The following RAP1GAP2 variants were observed in gnomAD, a reference collection of about 807,000 sequenced individuals.
RAP1GAP2 encodes the protein rap1 GTPase-activating protein 2.
RAP1GAP2 carries 27 observed loss-of-function variants against 95.0 expected under a neutral mutation model. That is an observed-to-expected ratio of 0.28 (90% confidence interval 0.21 to 0.39). The LOEUF is 0.39. Ranked by LOEUF, RAP1GAP2 falls within the 10% of genes least tolerant of loss-of-function variation. The probability of loss-of-function intolerance (pLI) is 1.00; values close to 1 mark genes in which losing one functional copy is unlikely to be tolerated. For synonymous variants in RAP1GAP2, 373 were observed against 380.9 expected (o/e 0.98, Z 0.24); for missense variants, 771 against 970.0 (o/e 0.79, Z 2.72).
At chr17:2,956,443 G>T (rs754061596) in intron 3 of RAP1GAP2, among the ~76,000 whole-genome samples, 1 of 152,242 alleles carries the variant, frequency 6.6e-6, no homozygotes, top group African/African-American at 2.4e-5. Flanking sequence ...TCTGGGAGCA[G>T]TGGGAGCTCC....
Position 3,005,343 on chromosome 17 carries a change from C to T in RAP1GAP2, c.1201-26C>T, listed in dbSNP as rs372995218. 384 of 1,608,040 alleles carry T rather than the reference C, an allele frequency of 2.4e-4. 1 individual carries two copies. Among genetic ancestry groups the T allele is most frequent in the Admixed American group, 1.0e-4 (6 of 59,998 alleles). On this transcript the variant is annotated intron_variant, in intron 14 of 24. Coordinates refer to ENST00000254695, the MANE Select transcript of RAP1GAP2 (RefSeq NM_015085.5). This position sits in a 1 kb window ranked among gnomAD's most constrained non-coding sequence, Gnocchi z 5.2. Reference sequence around the variant, plus strand: ...CAGCGCTCGTCTCTTCCCTCCAGGTCCGTACCATGACTCTGTTTCACTCAG... The same window carrying T: ...CAGCGCTCGTCTCTTCCCTCCAGGTTCGTACCATGACTCTGTTTCACTCAG...
At chr17:2,875,665 C>CT (rs34754606) in intron 2 of RAP1GAP2, among the ~76,000 whole-genome samples, 1 of 152,064 alleles carries the variant, frequency 6.6e-6, no homozygotes, top group Non-Finnish European at 1.5e-5. Flanking sequence ...TCAACATTGC[C>CT]TTTTTTTCTC....
In RAP1GAP2 at chr17:2,797,834, G is replaced by T. The variant is rs1298765486; in HGVS notation, c.44+1263G>T. The T allele has an allele frequency of 6.2e-6, 6 of 964,526 alleles. No individual in the cohort carries two copies. Among genetic ancestry groups the T allele is most frequent in the Non-Finnish European group, 7.4e-6 (6 of 811,112 alleles). 59.7% of individuals were successfully genotyped at this position (964,526 alleles called of 1,614,324 possible). On this transcript the variant is annotated intron_variant, in intron 1 of 24. Transcript: ENST00000254695. This position sits in a 1 kb window ranked among gnomAD's most constrained non-coding sequence, Gnocchi z 5.6. ...AGAGGACTTGGCTTCTGGTTGGGAGGGGTGTGTGTGTCTTGGCTGTGGGCC... is the reference window on the plus strand; with the variant it reads ...AGAGGACTTGGCTTCTGGTTGGGAGTGGTGTGTGTGTCTTGGCTGTGGGCC...
chr17:2,860,751 G>A (rs12452781), intron 2 of RAP1GAP2, among the ~76,000 whole-genome samples: 23,071 of 151,160 alleles, frequency 0.15, 1,899 homozygotes, highest in East Asian at 0.24. Context: ...TTACAGGCAC[G>A]CACTACCGTG....
At chr17:2,841,465 G>C (rs964445698) in intron 2 of RAP1GAP2, among the ~76,000 whole-genome samples, 1 of 151,582 alleles carries the variant, frequency 6.6e-6, no homozygotes, top group African/African-American at 2.4e-5. Context: ...CACCACACGC[G>C]GCTAATTTTT....
In RAP1GAP2 at chr17:2,970,975, C is replaced by A. The variant is rs374488389; in HGVS notation, c.596+5332C>A. On this transcript the variant is annotated intron_variant, in intron 8 of 24. Coordinates refer to ENST00000254695, the MANE Select transcript of RAP1GAP2 (RefSeq NM_015085.5). ...GCTTGAGCCTGGGAGGTCGAGGCTA[C>A]AATGAGCCATGATTGTGCCACTGCA... is the stretch of plus-strand genomic sequence containing the variant. Among the ~76,000 whole-genome samples the A allele has an allele frequency of 1.4e-4, 21 of 152,196 alleles. No homozygotes were observed. In the East Asian group the frequency reaches 3.9e-3, roughly 28 times the overall value.
intron 2 of RAP1GAP2, among the ~76,000 whole-genome samples, chr17:2,824,541 G>A (rs994521550): frequency 5.2e-4 from 79 of 151,376 alleles, no homozygotes; most frequent in African/African-American, 1.7e-3. Flanking sequence ...TCAGGAGTTC[G>A]AGACCAGCCT....
At chr17:2,819,989 T>C (rs1404009368) in intron 2 of RAP1GAP2, among the ~76,000 whole-genome samples, 2 of 151,800 alleles carry the variant, frequency 1.3e-5, no homozygotes, top group African/African-American at 4.8e-5. Context: ...GGTTTCACCA[T>C]CTTGCTGTCT....
At chr17:2,808,204 GAAAGTCCCAT>G (rs1199824211) in intron 2 of RAP1GAP2, among the ~76,000 whole-genome samples, 11 of 152,194 alleles carry the variant, frequency 7.2e-5, no homozygotes, top group Non-Finnish European at 4.4e-5. Context: ...GAGCTCAGGA[GAAAGTCCCAT>G]AATAGCATGG....
intron 2 of RAP1GAP2, among the ~76,000 whole-genome samples, chr17:2,818,824 C>T (rs1183288352): frequency 6.6e-6 from 1 of 152,156 alleles, no homozygotes; most frequent in Non-Finnish European, 1.5e-5. Flanking sequence ...GTTCCTTCAT[C>T]TCTCCATGCC....
At chr17:2,875,689 T>C (rs1380194734) in intron 2 of RAP1GAP2, among the ~76,000 whole-genome samples, 3 of 152,122 alleles carry the variant, frequency 2.0e-5, no homozygotes, top group Non-Finnish European at 4.4e-5. Context: ...ACAGTGAATG[T>C]CTTGTCCTCC....
rs1043931668 is a variant in RAP1GAP2, at chr17:3,004,573, G to A, written c.1201-796G>A. On this transcript the variant is annotated intron_variant, in intron 14 of 24. Coordinates refer to ENST00000254695, the MANE Select transcript of RAP1GAP2 (RefSeq NM_015085.5). This position sits in a 1 kb window ranked among gnomAD's most constrained non-coding sequence, Gnocchi z 4.1. ...AGAGGGAAGGCGGGGTGTGGGGCCC[G>A]TCCCACGCCTGGGCGACCCCCATGC... Among the ~76,000 whole-genome samples the A allele has an allele frequency of 1.3e-5, 2 of 152,254 alleles. No homozygotes were observed. Among genetic ancestry groups the A allele is most frequent in the African/African-American group, 4.8e-5 (2 of 41,470 alleles).
At position 2,967,821 on chromosome 17, in the gene RAP1GAP2, A is replaced by T. The variant is rs112486507; in HGVS notation, c.596+2178A>T. Among the ~76,000 whole-genome samples, 46 of 152,286 alleles carry T rather than the reference A, an allele frequency of 3.0e-4. No individual in the cohort carries two copies. In the East Asian group the frequency reaches 3.5e-3, roughly 11 times the overall value. The stretch of plus-strand genomic sequence containing the variant: ...TGTCCAAACTTCTTCCTCATTCCCC[A>T]TAGGCTTCTGGATTTTTTAACGGAT... On this transcript the variant is annotated intron_variant, in intron 8 of 24. Transcript: ENST00000254695.
At position 2,905,271 on chromosome 17, in the gene RAP1GAP2, G is replaced by C; in HGVS notation, c.81-13G>C. ...AGGCAGGTCCTCACTCACCTCTTTT[G>C]GCCTCTTCACAGGAAGCAGGAGCTG... On this transcript the variant is annotated splice_polypyrimidine_tract_variant and intron_variant, in intron 2 of 24. Coordinates refer to ENST00000254695, the MANE Select transcript of RAP1GAP2 (RefSeq NM_015085.5). 1.9e-6 allele frequency: 3 copies of C among 1,613,096 alleles called. No homozygotes were observed. The highest frequency in any genetic ancestry group is 2.5e-6 in the Non-Finnish European group (3 of 1,179,334).
chr17:2,859,697 A>G (rs1484478931), intron 2 of RAP1GAP2, among the ~76,000 whole-genome samples: 2 of 152,100 alleles, frequency 1.3e-5, no homozygotes, highest in Admixed American at 6.6e-5. Flanking sequence ...CGGCCTTCCA[A>G]TGTGTTGGGA....
intron 3 of RAP1GAP2, among the ~76,000 whole-genome samples, chr17:2,949,700 A>G (rs1435713485): frequency 1.3e-5 from 2 of 151,742 alleles, no homozygotes; most frequent in Admixed American, 6.6e-5. Flanking sequence ...AGTGCCTGCT[A>G]TGTGCCCTTG....
chr17:2,843,331 G>C (rs1386969784), intron 2 of RAP1GAP2, among the ~76,000 whole-genome samples: 2 of 151,432 alleles, frequency 1.3e-5, no homozygotes, highest in Admixed American at 6.6e-5. Context: ...TGTCGCCCAG[G>C]CTGGAGTGCA....
intron 14 of RAP1GAP2, 135 bp downstream of exon 14, chr17:2,998,511 C>A: frequency 8.6e-7 from 1 of 1,158,658 alleles, no homozygotes; most frequent in Non-Finnish European, 1.2e-6. Context: ...GGGTTTGGAG[C>A]TAGATTCTGG....
intron 10 of RAP1GAP2, among the ~76,000 whole-genome samples, chr17:2,981,535 C>G (rs1269628789): frequency 6.6e-6 from 1 of 152,144 alleles, no homozygotes; most frequent in Non-Finnish European, 1.5e-5. Context: ...TCATTGGTAC[C>G]TCCCTGAGGC....
Sources: allele counts gnomAD v4.1 joint callset (sites outside exome capture counted in the v4.1 genomes callset), GRCh38; gene constraint gnomAD v4.1.1; non-coding constraint Gnocchi (gnomAD v3.1); transcripts MANE v1.5; gene names NCBI Gene and HGNC (gene_info 2026-07-23, HGNC 2026-07-21).